Variants in STK3 observed in about 807,000 individuals in gnomAD.
The protein encoded by STK3 is serine/threonine kinase 3, also known as serine/threonine-protein kinase 3.
STK3 carries 41 observed loss-of-function variants against 58.0 expected under a neutral mutation model. The ratio of observed to expected loss-of-function variants is 0.71; its 90% confidence interval spans 0.55 to 0.92. The LOEUF (loss-of-function observed/expected upper bound fraction) is 0.92, where lower values mean the gene tolerates loss of function less well. STK3 is among the 40% of genes least tolerant of loss of function. The pLI is 0.00. For missense variants in STK3, 479 were observed against 602.7 expected (o/e 0.79, Z 2.15); for synonymous variants, 170 against 191.0 (o/e 0.89, Z 0.91).
At chr8:98,680,372 G>A (rs1234843962) in intron 6 of STK3, among the ~76,000 whole-genome samples, 2 of 152,170 alleles carry the variant, frequency 1.3e-5, no homozygotes, top group East Asian at 1.9e-4. Flanking sequence ...AATGGAAACA[G>A]TTCAAATTGG....
chr8:98,549,788 G>T (rs981187677), intron 8 of STK3, among the ~76,000 whole-genome samples: 1 of 152,118 alleles, frequency 6.6e-6, no homozygotes. Context: ...GGGAGGTCAG[G>T]GCAGAAGGCC....
chr8:98,646,449 A>T (rs1456986059), intron 6 of STK3, among the ~76,000 whole-genome samples: 1 of 152,160 alleles, frequency 6.6e-6, no homozygotes, highest in Non-Finnish European at 1.5e-5. Flanking sequence ...TTTCTATTTA[A>T]TTGTAGTAAC....
At chr8:98,936,038 T>C (rs941783577) in intron 1 of STK3, among the ~76,000 whole-genome samples, 2 of 152,086 alleles carry the variant, frequency 1.3e-5, no homozygotes, top group African/African-American at 4.8e-5. Context: ...CACTTCAGCC[T>C]CCCAAGTAGT....
intron 1 of STK3, among the ~76,000 whole-genome samples, chr8:98,942,086 C>G (rs1840454870): frequency 6.6e-6 from 1 of 152,254 alleles, no homozygotes; most frequent in Non-Finnish European, 1.5e-5. Flanking sequence ...GGGCGGCGAG[C>G]CTGGCGGGTG....
At chr8:98,785,741 A>C (rs546255082) in intron 1 of STK3, among the ~76,000 whole-genome samples, 10 of 152,310 alleles carry the variant, frequency 6.6e-5, no homozygotes, top group Non-Finnish European at 7.3e-5. Flanking sequence ...AAACCTGCCA[A>C]CTGAAGTGCA....
chr8:98,846,509 A>G (rs144286278), intron 3 of STK3, among the ~76,000 whole-genome samples: 4 of 152,206 alleles, frequency 2.6e-5, no homozygotes, highest in South Asian at 2.1e-4. Context: ...CAAAACATAC[A>G]TAAGTCTTTG....
chr8:98,887,007 AGAATC>A (rs1838015456), intron 1 of STK3, among the ~76,000 whole-genome samples: 1 of 152,168 alleles, frequency 6.6e-6, no homozygotes, highest in Admixed American at 6.5e-5. Context: ...CTGAGGCAGG[AGAATC>A]GCTTGAACCA....
At chr8:98,654,651 T>C (rs1821316586) in intron 6 of STK3, among the ~76,000 whole-genome samples, 1 of 152,108 alleles carries the variant, frequency 6.6e-6, no homozygotes, top group South Asian at 2.1e-4. Context: ...GGATACAAAA[T>C]CAATGTGCAA....
At chr8:98,450,210 C>T (rs985442924), downstream of STK3, among the ~76,000 whole-genome samples, 4 of 152,162 alleles carry the variant, frequency 2.6e-5, no homozygotes, top group African/African-American at 9.7e-5. Flanking sequence ...TACGAGAAGG[C>T]CTAACTGGGT....
rs184013220 is a variant in STK3 at position 98,903,527 on chromosome 8, T to C, written c.-78-19693A>G. 9.8e-5 allele frequency among the ~76,000 whole-genome samples: 3 copies of C among 30,576 alleles called. 1 individual carries two copies. The highest frequency in any genetic ancestry group is 4.2e-3 in the South Asian group (2 of 480). The allele number at this position is 30,576 out of a possible 152,430, so 20.1% of individuals were successfully genotyped here. The stretch of plus-strand genomic sequence containing the variant: ...CTTCTTCTTCTTCTTCTTCTTCTTC[T>C]TCTTCTTCTTCTTCTTCTTCTTCTT... On this transcript the variant is annotated intron_variant, in intron 1 of 1. Transcript: ENST00000519420.
At chr8:98,382,651 C>CA (rs2131002957) in intron 1 of STK3, among the ~76,000 whole-genome samples, 1 of 152,264 alleles carries the variant, frequency 6.6e-6, no homozygotes, top group East Asian at 1.9e-4. Context: ...GGTATCCCCA[C>CA]ATTCTAACCA....
chr8:98,614,465 C>A (rs933772792), intron 6 of STK3, among the ~76,000 whole-genome samples: 1 of 152,088 alleles, frequency 6.6e-6, no homozygotes, highest in Non-Finnish European at 1.5e-5. Context: ...GCCAAGATGG[C>A]CGAATAGGAA....
chr8:98,411,065 C>T (rs1818050652), intron 3 of STK3, among the ~76,000 whole-genome samples: 1 of 152,238 alleles, frequency 6.6e-6, no homozygotes, highest in South Asian at 2.1e-4. Context: ...TTTCAACCAT[C>T]CATGCCCATT....
rs529460700 is a variant in STK3 at position 98,447,146 on chromosome 8, T to G, written n.186-9938A>C. ...AAAAATAACTATTGGGTACTAGGCT[T>G]AGTACCTGAATGATGAAATAATCTG... On this transcript the variant is annotated intron_variant and non_coding_transcript_variant, in intron 1 of 3. Coordinates refer to the STK3 transcript ENST00000517832. Among the ~76,000 whole-genome samples the G allele has an allele frequency of 4.6e-5, 7 of 152,196 alleles. 1 individual carries two copies. The East Asian group carries it at 9.6e-4, about 21-fold the overall frequency.
intron 8 of STK3, among the ~76,000 whole-genome samples, chr8:98,560,860 C>T (rs369760367): frequency 2.0e-5 from 3 of 151,886 alleles, no homozygotes; most frequent in African/African-American, 7.3e-5. Flanking sequence ...CAGCAAGACA[C>T]CATCTCTATA....
intron 1 of STK3, among the ~76,000 whole-genome samples, chr8:98,820,977 C>CA (rs566224504): frequency 2.0e-5 from 3 of 151,414 alleles, no homozygotes; most frequent in Non-Finnish European, 2.9e-5. Flanking sequence ...GATTCCACCT[C>CA]AAAAAAAATA....
chr8:98,612,783 G>A (rs1057130289), intron 6 of STK3, among the ~76,000 whole-genome samples: 1 of 152,138 alleles, frequency 6.6e-6, no homozygotes, highest in Admixed American at 6.6e-5. Flanking sequence ...ATGTCAGAAA[G>A]GCTTAGTGGA....
At chr8:98,845,183 C>T (rs1208179188) in intron 3 of STK3, among the ~76,000 whole-genome samples, 2 of 152,136 alleles carry the variant, frequency 1.3e-5, no homozygotes, top group African/African-American at 4.8e-5. Flanking sequence ...ACTAGCTATA[C>T]CGACTTATTT....
At chr8:98,893,450 GAA>G (rs1232551992) in intron 1 of STK3, among the ~76,000 whole-genome samples, 3 of 86,752 alleles carry the variant, frequency 3.5e-5, no homozygotes, top group Admixed American at 1.3e-4. Flanking sequence ...AAGAAAGAAA[GAA>G]AGAAAGAAAG....
Sources: gnomAD v4.1 joint callset for allele counts (sites outside exome capture counted in the v4.1 genomes callset) on GRCh38, gnomAD v4.1.1 for gene constraint, MANE v1.5 for transcripts, NCBI Gene and HGNC (gene_info 2026-07-23, HGNC 2026-07-21) for gene names.